Variants in SCNN1G observed in about 807,000 individuals in gnomAD.
SCNN1G encodes the protein sodium channel epithelial 1 subunit gamma, also known as epithelial sodium channel subunit gamma.
SCNN1G carries 27 observed loss-of-function variants against 64.6 expected under a neutral mutation model. The observed-to-expected ratio is 0.42, with a 90% CI of 0.31 to 0.58. The LOEUF is 0.58. Ranked by LOEUF, SCNN1G falls within the 20% of genes least tolerant of loss-of-function variation. The pLI is 0.18. For synonymous variants in SCNN1G, 330 were observed against 314.2 expected, an observed-to-expected ratio of 1.05 and a Z score of -0.53; for missense variants, 743 against 823.4, an observed-to-expected ratio of 0.90 and a Z score of 1.19.
At chr16:23,188,546 T>A (rs988231136) in intron 2 of SCNN1G, among the ~76,000 whole-genome samples, 1 of 152,126 alleles carries the variant, frequency 6.6e-6, no homozygotes, top group Non-Finnish European at 1.5e-5. Context: ...CATTTAATTA[T>A]CTATATGTAT....
intron 6 of SCNN1G, among the ~76,000 whole-genome samples, chr16:23,205,249 G>A (rs1021948104): frequency 1.4e-4 from 22 of 152,250 alleles, no homozygotes; most frequent in Admixed American, 3.3e-4. Flanking sequence ...TTGTTTAGGG[G>A]TGAATGACCA....
chr16:23,214,226 T>G (rs1190066034), intron 11 of SCNN1G, among the ~76,000 whole-genome samples: 1 of 152,246 alleles, frequency 6.6e-6, no homozygotes, highest in African/African-American at 2.4e-5. Flanking sequence ...GATGAAAATA[T>G]ACATACCTGC....
In SCNN1G at chr16:23,215,496, C is replaced by T; in HGVS notation, c.*27C>T. On this transcript the variant is annotated 3_prime_UTR_variant, in exon 13 of 13. Transcript: ENST00000300061. ...GCAGGGTTGAGAAGACAGATCTAGTCAGGACCACCAGCCATGGTCTAAGGA... is the reference window on the plus strand; with the variant it reads ...GCAGGGTTGAGAAGACAGATCTAGTTAGGACCACCAGCCATGGTCTAAGGA... 2 of 1,602,106 alleles carry T rather than the reference C, an allele frequency of 1.2e-6. No homozygotes were observed. Among genetic ancestry groups the T allele is most frequent in the East Asian group, 2.2e-5 (1 of 44,878 alleles).
At chr16:23,213,537 C>T (rs1478466249) in intron 11 of SCNN1G, among the ~76,000 whole-genome samples, 3 of 152,228 alleles carry the variant, frequency 2.0e-5, no homozygotes, top group African/African-American at 7.2e-5. Context: ...TAGGCGTGAG[C>T]CACCAAGCCT....
chr16:23,183,785 G>A (rs770404071), intron 1 of SCNN1G, among the ~76,000 whole-genome samples: 8 of 152,188 alleles, frequency 5.3e-5, no homozygotes, highest in Non-Finnish European at 1.2e-4. Flanking sequence ...AGTGATAGCT[G>A]CCATTATTGC....
In SCNN1G at chr16:23,186,525, T is replaced by A; in HGVS notation, c.254T>A (p.Ile85Asn). The change falls in exon 2 of 13, where the codon ATC becomes AAC. Residue 85 changes from isoleucine (I) to asparagine (N), a missense_variant. Physicochemically the swap from Ile to Asn is moderately radical, Grantham distance 149. Coordinates refer to ENST00000300061, the MANE Select transcript of SCNN1G (RefSeq NM_001039.4). ...TCCTTCTATACTGTCTCAGTTTCCA[T>A]CAAAGTCCACTTCCGGAAGCTGGAT... ...VFSFYTVSVSIKVHFRKLDFP... is the reference protein window; with the variant it reads ...VFSFYTVSVSNKVHFRKLDFP... 6.2e-7 allele frequency: 1 copy of A among 1,613,956 alleles called. No homozygotes were observed. Among genetic ancestry groups the A allele is most frequent in the African/African-American group, 1.3e-5 (1 of 75,046 alleles).
At chr16:23,203,769 C>CAAAAAAAAA (rs71151702) in intron 6 of SCNN1G, among the ~76,000 whole-genome samples, 2 of 42,280 alleles carry the variant, frequency 4.7e-5, no homozygotes, top group South Asian at 1.6e-3. Context: ...GACTCCGTCT[C>CAAAAAAAAA]AAAAAAAAAA....
chr16:23,183,509 G>GA (rs1438123587), intron 1 of SCNN1G, among the ~76,000 whole-genome samples: 1 of 152,190 alleles, frequency 6.6e-6, no homozygotes, highest in Non-Finnish European at 1.5e-5. Flanking sequence ...TGCACTGTGG[G>GA]ATGGGGGACA....
chr16:23,186,700 A>G, intron 2 of SCNN1G, 112 bp downstream of exon 2: 2 of 908,566 alleles, frequency 2.2e-6, no homozygotes, highest in Middle Eastern at 2.4e-4. Context: ...CAGCCTACAA[A>G]TGTGCTTTCT....
intron 6 of SCNN1G, among the ~76,000 whole-genome samples, chr16:23,199,275 G>C (rs113710193): frequency 1.3e-5 from 2 of 152,156 alleles, no homozygotes; most frequent in East Asian, 3.9e-4. Flanking sequence ...GCTGGGAAAT[G>C]GTTCCATATC....
chr16:23,202,173 C>T (rs920848737), intron 6 of SCNN1G, among the ~76,000 whole-genome samples: 3 of 145,950 alleles, frequency 2.1e-5, no homozygotes, highest in Non-Finnish European at 3.0e-5. Flanking sequence ...GGAAACAGAC[C>T]TTTTCTGCCT....
At position 23,215,566 on chromosome 16, in the gene SCNN1G, C is replaced by A; in HGVS notation, c.*97C>A. 6.9e-7 allele frequency: 1 copy of A among 1,438,998 alleles called. No individual in the cohort carries two copies. The highest frequency in any genetic ancestry group is 9.6e-7 in the Non-Finnish European group (1 of 1,036,402). The allele number at this position is 1,438,998 out of a possible 1,614,324, so 89.1% of individuals were successfully genotyped here. On this transcript the variant is annotated 3_prime_UTR_variant, in exon 13 of 13. Coordinates refer to ENST00000300061, the MANE Select transcript of SCNN1G (RefSeq NM_001039.4). ...GACGTGTGCACAGGGGACCCTCTGC[C>A]CCACTCTGGGCTTTTCAGATACTCT...
intron 2 of SCNN1G, among the ~76,000 whole-genome samples, chr16:23,187,300 G>T (rs1277573250): frequency 6.6e-6 from 1 of 151,694 alleles, no homozygotes; most frequent in African/African-American, 2.4e-5. Flanking sequence ...TAAGAGATGG[G>T]GTCTCGCTAT....
chr16:23,210,222 G>A (rs1330443239), intron 7 of SCNN1G, among the ~76,000 whole-genome samples: 2 of 152,156 alleles, frequency 1.3e-5, no homozygotes, highest in East Asian at 1.9e-4. Context: ...GGGCCAGCTG[G>A]GTTCCCCTCA....
intron 12 of SCNN1G, 55 bp from the exon 13 acceptor site, chr16:23,215,034 G>A (rs1960137168): frequency 3.1e-6 from 5 of 1,609,876 alleles, no homozygotes; most frequent in African/African-American, 2.7e-5. Flanking sequence ...GTTCCTGTGT[G>A]AGGCCAACTT....
rs201308208 is a variant in SCNN1G, at chr16:23,209,754, A to T, written c.1082A>T (p.Glu361Val). ...MVTSIGMHLT[E>V]SFKLSEPYSQ... ...TGTGTGCTGCTGTGATTGCAGACAGAGTCCTTCAAGCTGAGTGAGCCCTAC... is the reference window on the plus strand; with the variant it reads ...TGTGTGCTGCTGTGATTGCAGACAGTGTCCTTCAAGCTGAGTGAGCCCTAC... The change falls in exon 7 of 13, where the codon GAG becomes GTG. Residue 361 changes from glutamate to valine, a missense_variant. By Grantham distance (121) the Glu-to-Val change is moderately radical (BLOSUM62 -2). Transcript: ENST00000300061. The T allele has an allele frequency of 4.1e-5, 66 of 1,612,728 alleles. No individual in the cohort carries two copies. The Admixed American group carries it at 1.0e-3, about 26-fold the overall frequency.
chr16:23,209,106 T>G (rs1294657871), intron 6 of SCNN1G, among the ~76,000 whole-genome samples: 1 of 152,144 alleles, frequency 6.6e-6, no homozygotes, highest in South Asian at 2.1e-4. Flanking sequence ...TCCTGTTTGC[T>G]CTACCCAATC....
intron 11 of SCNN1G, 135 bp downstream of exon 11, chr16:23,213,298 G>A (rs1960111963): frequency 4.4e-6 from 3 of 685,184 alleles, no homozygotes; most frequent in Non-Finnish European, 7.6e-6. Context: ...TGTCACCCAG[G>A]CTGGAGTGCA....
In SCNN1G at chr16:23,200,131, G is replaced by A. The variant is rs1959865550; in HGVS notation, c.1077+2704G>A. Among the ~76,000 whole-genome samples the A allele has an allele frequency of 3.3e-5, 5 of 152,102 alleles. No homozygotes were observed. In the South Asian group the frequency reaches 1.0e-3, roughly 32 times the overall value. ...TCACAAACATATCCTCCAGAGAAGT[G>A]GTTTCCAAACCTGGTTGATTATCAG... On this transcript the variant is annotated intron_variant, in intron 6 of 12. Transcript: ENST00000300061.
Sources: gnomAD v4.1 joint callset for allele counts (sites outside exome capture counted in the v4.1 genomes callset) on GRCh38, gnomAD v4.1.1 for gene constraint, MANE v1.5 for transcripts, NCBI Gene and HGNC (gene_info 2026-07-23, HGNC 2026-07-21) for gene names.